Variants in CXCL12 observed in about 807,000 individuals in gnomAD.
The protein encoded by CXCL12 is stromal cell-derived factor 1.
In CXCL12, 4 loss-of-function variants were observed where a neutral mutation model predicts 10.7. The observed-to-expected ratio is 0.37, with a 90% confidence interval of 0.18 to 0.86. The LOEUF (loss-of-function observed/expected upper bound fraction) is 0.86. Among genes scored for constraint, CXCL12 ranks in the 40% least tolerant of loss-of-function variants. The probability of loss-of-function intolerance (pLI) is 0.43; values close to 1 mark genes in which losing one functional copy is unlikely to be tolerated. For missense variants in CXCL12, 122 were observed against 110.4 expected (o/e 1.10, Z -0.47); for synonymous variants, 54 against 45.4 (o/e 1.19, Z -0.77).
chr10:44,372,543 T>C (rs943968623), downstream of CXCL12: 3 of 801,394 alleles, frequency 3.7e-6, no homozygotes, highest in African/African-American at 1.8e-5. Context: ...AAGACACAGA[T>C]GTGCACAGTG....
chr10:44,382,139 C>T (rs1338357110), intron 1 of CXCL12, among the ~76,000 whole-genome samples: 1 of 152,190 alleles, frequency 6.6e-6, no homozygotes, highest in African/African-American at 2.4e-5. Flanking sequence ...AATGCAACTC[C>T]CTGAAAACCA....
chr10:44,373,375 A>T, downstream of CXCL12: 2 of 1,588,050 alleles, frequency 1.3e-6, no homozygotes, highest in Non-Finnish European at 1.7e-6. Context: ...AACACCATTA[A>T]GGCAGGTTCC....
downstream of CXCL12, chr10:44,373,363 G>T (rs1248116154): frequency 1.3e-6 from 2 of 1,599,824 alleles, no homozygotes; most frequent in Admixed American, 3.4e-5. Context: ...AGAACAGAGG[G>T]AAACACCATT....
chr10:44,385,048 G>T lies in CXCL12; in HGVS notation c.-43C>A. The T allele has an allele frequency of 7.2e-7, 1 of 1,387,980 alleles. No individual in the cohort carries two copies. The highest frequency in any genetic ancestry group is 9.5e-7 in the Non-Finnish European group (1 of 1,050,134). 86.0% of individuals were successfully genotyped at this position (1,387,980 alleles called of 1,614,324 possible). A position where few individuals can be genotyped will look rare whatever the true frequency, so the allele number is the denominator to read the frequency against. On this transcript the variant is annotated 5_prime_UTR_variant, in exon 1 of 3. Transcript: ENST00000343575. Reference sequence around the variant, plus strand: ...GGGCGGGCGGACGAGCGCGGGTCGGGGGCCGGACGCCGAGCGGGCAATGCG... The same window carrying T: ...GGGCGGGCGGACGAGCGCGGGTCGGTGGCCGGACGCCGAGCGGGCAATGCG...
At chr10:44,374,901 G>A (rs983016898), downstream of CXCL12, among the ~76,000 whole-genome samples, 2 of 152,088 alleles carry the variant, frequency 1.3e-5, no homozygotes, top group South Asian at 2.1e-4. Context: ...CCATCCTCCC[G>A]GTCCAGATTA....
chr10:44,377,021 T>G, downstream of CXCL12: 2 of 902,770 alleles, frequency 2.2e-6, no homozygotes, highest in Non-Finnish European at 2.6e-6. Flanking sequence ...CTCAGACACC[T>G]GACTGCAGGC....
downstream of CXCL12, among the ~76,000 whole-genome samples, chr10:44,373,822 C>T (rs913358607): frequency 4.6e-5 from 7 of 152,190 alleles, no homozygotes; most frequent in African/African-American, 1.7e-4. Context: ...GGTGGGACTG[C>T]TGGAGGTGGC....
chr10:44,385,050 G>A lies in CXCL12; in HGVS notation c.-45C>T, dbSNP rs529223543. On this transcript the variant is annotated 5_prime_UTR_variant, in exon 1 of 3. Coordinates refer to ENST00000343575, the MANE Select transcript of CXCL12 (RefSeq NM_199168.4). Reference sequence around the variant, plus strand: ...GCGGGCGGACGAGCGCGGGTCGGGGGCCGGACGCCGAGCGGGCAATGCGGC... The same window carrying A: ...GCGGGCGGACGAGCGCGGGTCGGGGACCGGACGCCGAGCGGGCAATGCGGC... The A allele has an allele frequency of 9.6e-5, 132 of 1,371,270 alleles. No individual in the cohort carries two copies. The African/African-American group carries it at 1.8e-3, about 19-fold the overall frequency. The allele number at this position is 1,371,270 out of a possible 1,614,324, so 84.9% of individuals were successfully genotyped here.
downstream of CXCL12, chr10:44,372,643 G>A (rs1839342769): frequency 7.3e-7 from 1 of 1,363,898 alleles, no homozygotes; most frequent in Non-Finnish European, 9.4e-7. Flanking sequence ...GCAGGGCCAT[G>A]GAGACAGTCG....
intron 1 of CXCL12, among the ~76,000 whole-genome samples, chr10:44,384,049 G>A (rs1404999691): frequency 6.6e-6 from 1 of 152,174 alleles, no homozygotes; most frequent in Non-Finnish European, 1.5e-5. Flanking sequence ...AAAGAAAAAA[G>A]CCCTCTCCCA....
In CXCL12 at chr10:44,377,680, G is replaced by A. The variant is rs915700974; in HGVS notation, c.*953C>T. 23 of 1,582,956 alleles carry A rather than the reference G, an allele frequency of 1.5e-5. No individual in the cohort carries two copies. The Middle Eastern group carries it at 8.4e-4, about 58-fold the overall frequency. On this transcript the variant is annotated 3_prime_UTR_variant, in exon 3 of 3. Coordinates refer to ENST00000343575, the MANE Select transcript of CXCL12 (RefSeq NM_199168.4). ...ATCACAAAACCCAGTCACTCAAAGC[G>A]AGCTCTCAGATTTAAAATTGCATTT...
Position 44,384,924 on chromosome 10 carries a change from C to T in CXCL12, c.61+21G>A, listed in dbSNP as rs756958710. 2.9e-5 allele frequency: 45 copies of T among 1,542,814 alleles called. 1 individual carries two copies. The highest frequency in any genetic ancestry group is 1.1e-4 in the Admixed American group (6 of 54,138). ...CCGAAGCCCAGAGCCTCGCCAGGGC[C>T]TCCCCGCCGAGCGCACTTACCGTCG... is the stretch of plus-strand genomic sequence containing the variant. On this transcript the variant is annotated intron_variant, in intron 1 of 2. Coordinates refer to ENST00000343575, the MANE Select transcript of CXCL12 (RefSeq NM_199168.4).
At chr10:44,372,758 CT>C (rs1198657466), downstream of CXCL12, 117 of 1,438,156 alleles carry the variant, frequency 8.1e-5, 1 homozygote, top group Admixed American at 1.1e-3. Flanking sequence ...TGGCCTCACA[CT>C]GCTGCCTCAG....
intron 2 of CXCL12, among the ~76,000 whole-genome samples, chr10:44,379,270 C>G (rs1443435419): frequency 6.6e-6 from 1 of 151,584 alleles, no homozygotes; most frequent in Non-Finnish European, 1.5e-5. Flanking sequence ...GGGAGGGTGA[C>G]CAGCCAGGGA....
chr10:44,381,427 T>C (rs762835767), intron 1 of CXCL12, among the ~76,000 whole-genome samples: 14 of 152,016 alleles, frequency 9.2e-5, no homozygotes, highest in Non-Finnish European at 2.1e-4. Flanking sequence ...CCTAAAGCTC[T>C]GGAAGGCACA....
At position 44,385,007 on chromosome 10, in the gene CXCL12, G is replaced by A. The variant is rs746503551; in HGVS notation, c.-2C>T. 2.7e-6 allele frequency: 4 copies of A among 1,457,700 alleles called. No individual in the cohort carries two copies. In the African/African-American group the frequency reaches 4.6e-5, roughly 17 times the overall value. 90.3% of individuals were successfully genotyped at this position (1,457,700 alleles called of 1,614,324 possible). A position where few individuals can be genotyped will look rare whatever the true frequency, so the allele number is the denominator to read the frequency against. On this transcript the variant is annotated 5_prime_UTR_variant, in exon 1 of 3. Transcript: ENST00000343575. ...CACGACCACGACCTTGGCGTTCATGGCGCGGGCGGGCGGGCGGGCGGGCGG... is the reference window on the plus strand; with the variant it reads ...CACGACCACGACCTTGGCGTTCATGACGCGGGCGGGCGGGCGGGCGGGCGG...
At chr10:44,373,066 C>A (rs1564458023), downstream of CXCL12, 3 of 1,536,360 alleles carry the variant, frequency 2.0e-6, no homozygotes, top group Non-Finnish European at 2.6e-6. Context: ...GAAAGACACT[C>A]TAATAAGGCA....
rs558747904 is a variant in CXCL12, at chr10:44,382,060, G to C, written c.62-1180C>G. ...GATGATGTGGACTAGGAATTGCATT[G>C]TGTATTCAGCCACCAAGTTGCAGGA... On this transcript the variant is annotated intron_variant, in intron 1 of 2. Coordinates refer to ENST00000343575, the MANE Select transcript of CXCL12 (RefSeq NM_199168.4). 7.9e-4 allele frequency among the ~76,000 whole-genome samples: 121 copies of C among 152,244 alleles called. 2 individuals are homozygous for C. The highest frequency in any genetic ancestry group is 3.7e-4 in the Non-Finnish European group (25 of 68,018).
Position 44,377,791 on chromosome 10 carries a change from C to T in CXCL12, c.*842G>A. The T allele has an allele frequency of 6.3e-7, 1 of 1,598,192 alleles. No homozygotes were observed. The highest frequency in any genetic ancestry group is 2.2e-5 in the East Asian group (1 of 44,878). On this transcript the variant is annotated 3_prime_UTR_variant, in exon 3 of 3. Coordinates refer to ENST00000343575, the MANE Select transcript of CXCL12 (RefSeq NM_199168.4). ...AGGGCCAGCTCCATTCTGGAGGAGG[C>T]CAAAGACGGATCTCACAGAGGGCCC...
Sources: allele counts gnomAD v4.1 joint callset (sites outside exome capture counted in the v4.1 genomes callset), GRCh38; gene constraint gnomAD v4.1.1; transcripts MANE v1.5; gene names NCBI Gene and HGNC (gene_info 2026-07-23, HGNC 2026-07-21).